BRINP3: variants seen among roughly 807,000 people sequenced by gnomAD.
BRINP3 encodes BMP/retinoic acid-inducible neural-specific protein 3.
Under a neutral mutation model 71.0 loss-of-function variants are expected in BRINP3, and 19 were observed. The ratio of observed to expected loss-of-function variants is 0.27; its 90% CI spans 0.19 to 0.39. The LOEUF is 0.39. Among genes scored for constraint, BRINP3 ranks in the 10% least tolerant of loss-of-function variants. The probability of loss-of-function intolerance (pLI) is 1.00; values close to 1 mark genes in which losing one functional copy is unlikely to be tolerated. For missense variants in BRINP3, 959 were observed against 940.8 expected, an observed-to-expected ratio of 1.02 and a Z score of -0.25; for synonymous variants, 380 against 337.7, an observed-to-expected ratio of 1.13 and a Z score of -1.37.
At chr1:190,340,884 C>T (rs775720698) in intron 2 of BRINP3, among the ~76,000 whole-genome samples, 12 of 151,568 alleles carry the variant, frequency 7.9e-5, no homozygotes, top group Non-Finnish European at 4.4e-5. Flanking sequence ...CAGATATAAG[C>T]AATGAATTTG....
chr1:190,396,712 T>TTATATATATATATATA (rs1558249085), intron 2 of BRINP3, among the ~76,000 whole-genome samples: 35 of 38,302 alleles, frequency 9.1e-4, no homozygotes, highest in African/African-American at 2.3e-3. Context: ...CCTAATTTAA[T>TTATATATATATATATA]GATATATATA....
intron 3 of BRINP3, among the ~76,000 whole-genome samples, chr1:190,278,621 A>G (rs1041562384): frequency 1.3e-5 from 2 of 151,728 alleles, no homozygotes; most frequent in African/African-American, 4.8e-5. Flanking sequence ...AGGAAAATAA[A>G]GTAATATTTT....
chr1:190,164,090 G>A (rs572587034), intron 6 of BRINP3, among the ~76,000 whole-genome samples: 3 of 152,110 alleles, frequency 2.0e-5, no homozygotes, highest in African/African-American at 7.2e-5. Flanking sequence ...GAAAATTTTG[G>A]GGATGTTAAA....
chr1:190,178,054 T>C (rs1652702275), intron 6 of BRINP3, among the ~76,000 whole-genome samples: 1 of 152,186 alleles, frequency 6.6e-6, no homozygotes, highest in East Asian at 1.9e-4. Context: ...ATTATGCCAT[T>C]TTATATAAGA....
At chr1:190,247,147 G>T (rs569201815) in intron 4 of BRINP3, among the ~76,000 whole-genome samples, 1 of 151,372 alleles carries the variant, frequency 6.6e-6, no homozygotes, top group Admixed American at 6.6e-5. Context: ...GAAGCAATTC[G>T]GTTACCAAAA....
intron 6 of BRINP3, among the ~76,000 whole-genome samples, chr1:190,198,749 T>C (rs1362106056): frequency 6.6e-6 from 1 of 152,196 alleles, no homozygotes; most frequent in East Asian, 1.9e-4. Context: ...CATATCACTA[T>C]CAACATTTTG....
At chr1:190,151,476 A>T (rs1240980550) in intron 7 of BRINP3, among the ~76,000 whole-genome samples, 1 of 152,082 alleles carries the variant, frequency 6.6e-6, no homozygotes, top group African/African-American at 2.4e-5. Flanking sequence ...ACTCCATAAA[A>T]TTTTTCTCTC....
chr1:190,284,764 C>A (rs941624497), intron 2 of BRINP3, among the ~76,000 whole-genome samples: 14 of 151,656 alleles, frequency 9.2e-5, no homozygotes, highest in African/African-American at 3.4e-4. Context: ...CTCTGTCATG[C>A]AAAAAACAAA....
intron 2 of BRINP3, among the ~76,000 whole-genome samples, chr1:190,345,165 T>C (rs1005835080): frequency 1.3e-5 from 2 of 151,884 alleles, no homozygotes; most frequent in East Asian, 1.9e-4. Flanking sequence ...TTGAGACTCA[T>C]TGGTCTGAAA....
chr1:190,229,645 A>ACACACACAC (rs1657756059), intron 5 of BRINP3, among the ~76,000 whole-genome samples: 1 of 133,414 alleles, frequency 7.5e-6, no homozygotes, highest in East Asian at 2.3e-4. Context: ...AACAAAACAA[A>ACACACACAC]ACACACACAC....
intron 2 of BRINP3, among the ~76,000 whole-genome samples, chr1:190,446,671 T>A (rs748708676): frequency 2.5e-4 from 38 of 152,134 alleles, no homozygotes; most frequent in Non-Finnish European, 3.4e-4. Flanking sequence ...TCCAAAAAAT[T>A]GAACTTTATA....
At chr1:190,442,344 G>T (rs749134296) in intron 2 of BRINP3, among the ~76,000 whole-genome samples, 17 of 152,150 alleles carry the variant, frequency 1.1e-4, no homozygotes, top group Admixed American at 3.3e-4. Flanking sequence ...CAGCAAAACA[G>T]AGATTTTGCT....
chr1:190,455,052 G>T, intron 1 of BRINP3, 112 bp from the exon 2 acceptor site: 3 of 550,538 alleles, frequency 5.4e-6, no homozygotes, highest in Non-Finnish European at 9.6e-6. Context: ...TTTTAAATTA[G>T]TATTATCAGC....
intron 2 of BRINP3, among the ~76,000 whole-genome samples, chr1:190,385,117 C>A (rs1392523167): frequency 3.3e-5 from 5 of 151,916 alleles, no homozygotes; most frequent in Non-Finnish European, 7.4e-5. Flanking sequence ...GACCTAAAAC[C>A]ATAAAAACCC....
Position 190,313,683 on chromosome 1 carries a change from C to T in BRINP3, c.237-31933G>A, listed in dbSNP as rs139347374. ...ACTGTCTGCATTATCTTGTTTTATCCTCAAAACAACCCTTGAGATAGCTAC... is the reference window on the plus strand; with the variant it reads ...ACTGTCTGCATTATCTTGTTTTATCTTCAAAACAACCCTTGAGATAGCTAC... On this transcript the variant is annotated intron_variant, in intron 2 of 7. Transcript: ENST00000367462. 2.5e-4 allele frequency among the ~76,000 whole-genome samples: 38 copies of T among 152,032 alleles called. No individual in the cohort carries two copies. In the East Asian group the frequency reaches 7.0e-3, roughly 28 times the overall value.
intron 2 of BRINP3, among the ~76,000 whole-genome samples, chr1:190,349,391 T>C (rs1668227802): frequency 6.6e-6 from 1 of 152,128 alleles, no homozygotes; most frequent in Non-Finnish European, 1.5e-5. Context: ...GAGGTATTAA[T>C]TTAAAATGTT....
At chr1:190,320,758 G>A (rs1235500147) in intron 2 of BRINP3, among the ~76,000 whole-genome samples, 2 of 151,814 alleles carry the variant, frequency 1.3e-5, no homozygotes, top group African/African-American at 4.8e-5. Context: ...TTTGGGGTGT[G>A]GGAGGAAACT....
chr1:190,330,887 T>C lies in BRINP3; in HGVS notation c.237-49137A>G, dbSNP rs535109987. On this transcript the variant is annotated intron_variant, in intron 2 of 7. Transcript: ENST00000367462. Reference sequence around the variant, plus strand: ...AGTAATGCAGGAACAGAAAACCAAATATGGCATGTTCTCATTAATAAGTGG... The same window carrying C: ...AGTAATGCAGGAACAGAAAACCAAACATGGCATGTTCTCATTAATAAGTGG... 5.3e-5 allele frequency among the ~76,000 whole-genome samples: 8 copies of C among 151,960 alleles called. No individual in the cohort carries two copies. In the South Asian group the frequency reaches 1.5e-3, roughly 28 times the overall value.
At chr1:190,204,469 A>T (rs987962866) in intron 6 of BRINP3, among the ~76,000 whole-genome samples, 28 of 152,028 alleles carry the variant, frequency 1.8e-4, no homozygotes, top group African/African-American at 6.5e-4. Flanking sequence ...AGGATTCATT[A>T]TGTGTAGCTT....
Sources: allele counts gnomAD v4.1 joint callset (sites outside exome capture counted in the v4.1 genomes callset), GRCh38; gene constraint gnomAD v4.1.1; transcripts MANE v1.5; gene names NCBI Gene and HGNC (gene_info 2026-07-23, HGNC 2026-07-21).